The following ABCC11 variants were observed in gnomAD, a reference collection of about 807,000 sequenced individuals.
ABCC11 encodes the protein ATP binding cassette subfamily C member 11.
A neutral mutation model predicts 149.3 loss-of-function variants in ABCC11; 135 were observed. That is an observed-to-expected ratio of 0.90 (90% confidence interval 0.79 to 1.04). The LOEUF (loss-of-function observed/expected upper bound fraction) is 1.04. Ranked by LOEUF, ABCC11 falls within the 50% of genes least tolerant of loss-of-function variation. The pLI, the probability that ABCC11 is intolerant of heterozygous loss-of-function variation, is 0.00. For synonymous variants in ABCC11, 665 were observed against 671.4 expected, an observed-to-expected ratio of 0.99 and a Z score of 0.15; for missense variants, 1,680 against 1,722.1, an observed-to-expected ratio of 0.98 and a Z score of 0.43.
chr16:48,244,782 G>A (rs1971257695), intron 1 of ABCC11, among the ~76,000 whole-genome samples: 1 of 152,212 alleles, frequency 6.6e-6, no homozygotes, highest in Non-Finnish European at 1.5e-5. Flanking sequence ...GGGGATGTCA[G>A]ATACCTGCCC....
chr16:48,215,982 G>A lies in ABCC11; in HGVS notation c.951+132C>T, dbSNP rs975309296. On this transcript the variant is annotated intron_variant, in intron 7 of 29. Transcript: ENST00000356608. ...CAGAGAATAGTTTGAAGTAGGGAGT[G>A]GAGCTGAATCTTAACCACAATGGAT... 33 of 965,616 alleles carry A rather than the reference G, an allele frequency of 3.4e-5. No homozygotes were observed. In the African/African-American group the frequency reaches 3.5e-4, roughly 10 times the overall value. 59.8% of individuals were successfully genotyped at this position (965,616 alleles called of 1,614,324 possible).
intron 13 of ABCC11, 32 bp from the exon 14 acceptor site, chr16:48,203,332 G>A (rs1968162448): frequency 6.5e-7 from 1 of 1,537,262 alleles, no homozygotes; most frequent in Middle Eastern, 1.7e-4. Flanking sequence ...AAGGCACAGG[G>A]GACCAGCCCT....
At chr16:48,206,893 A>T (rs989774048) in intron 12 of ABCC11, among the ~76,000 whole-genome samples, 2 of 152,200 alleles carry the variant, frequency 1.3e-5, no homozygotes, top group Non-Finnish European at 2.9e-5. Flanking sequence ...AAAGGGGAAA[A>T]TGGAAAGCTC....
In ABCC11 at chr16:48,224,295, C is replaced by T. The variant is rs1485445374; in HGVS notation, c.530G>A (p.Ser177Asn). ...TCTGCCACTTACTGGCCCGAGTACA[C>T]TGGCAATGCAGAAGCAGATGCCCAG... ...ALLGICFCIA[S>N]VLGPILIIPK... Residue 177 changes from serine (S) to asparagine (N), a missense_variant, in exon 5 of 30, where the codon AGT (serine) becomes AAT (asparagine). By Grantham distance (46) the Ser-to-Asn change is conservative. Transcript: ENST00000356608. The T allele has an allele frequency of 6.2e-7, 1 of 1,614,140 alleles. No homozygotes were observed. Among genetic ancestry groups the T allele is most frequent in the Non-Finnish European group, 8.5e-7 (1 of 1,179,992 alleles).
chr16:48,232,969 G>C (rs912955295), intron 1 of ABCC11, among the ~76,000 whole-genome samples: 4 of 152,160 alleles, frequency 2.6e-5, no homozygotes, highest in Admixed American at 2.6e-4. Context: ...GGAGGCTGAG[G>C]CGGGAGGACT....
chr16:48,238,340 A>G (rs1464000719), intron 1 of ABCC11, among the ~76,000 whole-genome samples: 2 of 152,288 alleles, frequency 1.3e-5, no homozygotes, highest in South Asian at 2.1e-4. Flanking sequence ...TCAGATGTCT[A>G]TGGGTCTGTT....
Position 48,167,677 on chromosome 16 carries a change from A to AGGG in ABCC11, c.3892-20_3892-18dup. The AGGG allele has an allele frequency of 6.2e-7, 1 of 1,613,650 alleles. No homozygotes were observed. The highest frequency in any genetic ancestry group is 8.5e-7 in the Non-Finnish European group (1 of 1,179,704). ...AAGGATGATCTGATGAATACAAAAC[A>AGGG]GGGGTGAAGGTGTCTACTTCAGGCC... is the stretch of plus-strand genomic sequence containing the variant. On this transcript the variant is annotated splice_polypyrimidine_tract_variant and intron_variant, in intron 28 of 29. Transcript: ENST00000356608.
intron 23 of ABCC11, among the ~76,000 whole-genome samples, chr16:48,182,243 C>T (rs569314388): frequency 1.3e-5 from 2 of 152,356 alleles, no homozygotes; most frequent in South Asian, 4.1e-4. Context: ...CACATACATG[C>T]ACTCCTACAC....
chr16:48,198,696 T>C (rs1596737720), intron 15 of ABCC11, among the ~76,000 whole-genome samples: 1 of 150,278 alleles, frequency 6.7e-6, no homozygotes, highest in Non-Finnish European at 1.5e-5. Flanking sequence ...CTTGGAGAAA[T>C]AAATTCTGGT....
intron 1 of ABCC11, among the ~76,000 whole-genome samples, chr16:48,240,250 A>C (rs973166956): frequency 6.6e-6 from 1 of 152,236 alleles, no homozygotes; most frequent in Non-Finnish European, 1.5e-5. Context: ...CACTAGTCAC[A>C]ATAACAAAGA....
chr16:48,239,399 A>G (rs908926590), intron 1 of ABCC11, among the ~76,000 whole-genome samples: 1 of 151,970 alleles, frequency 6.6e-6, no homozygotes, highest in Admixed American at 6.6e-5. Flanking sequence ...CGTCTCTACC[A>G]AAAATACAAA....
chr16:48,167,155 CTG>C lies in ABCC11; in HGVS notation c.*117_*118del. On this transcript the variant is annotated 3_prime_UTR_variant, in exon 30 of 30. Transcript: ENST00000356608. Reference sequence around the variant, plus strand: ...ATCCCCACCCCCCCTACATTTACCCCTGCTTCCAGGAGAAGTTCTCATCTCCA... The same window carrying C: ...ATCCCCACCCCCCCTACATTTACCCCCTTCCAGGAGAAGTTCTCATCTCCA... The C allele has an allele frequency of 1.6e-6, 1 of 607,752 alleles. No individual in the cohort carries two copies. The highest frequency in any genetic ancestry group is 1.7e-5 in the South Asian group (1 of 59,586). The allele number at this position is 607,752 out of a possible 1,614,324, so 37.6% of individuals were successfully genotyped here. A position where few individuals can be genotyped will look rare whatever the true frequency, so the allele number is the denominator to read the frequency against.
intron 22 of ABCC11, 109 bp from the exon 23 acceptor site, chr16:48,184,735 G>T: frequency 8.8e-7 from 1 of 1,132,282 alleles, no homozygotes; most frequent in Non-Finnish European, 1.2e-6. Flanking sequence ...CCCACTCCCA[G>T]CAGCAGGGCC....
intron 6 of ABCC11, among the ~76,000 whole-genome samples, chr16:48,219,319 G>T (rs371602860): frequency 3.9e-5 from 6 of 152,190 alleles, no homozygotes; most frequent in South Asian, 2.1e-4. Flanking sequence ...ACAGGCGCAC[G>T]CCACCACGCC....
intron 11 of ABCC11, chr16:48,210,704 C>T: frequency 1.9e-6 from 1 of 538,008 alleles, no homozygotes; most frequent in Non-Finnish European, 3.3e-6. Context: ...GACAAGCACA[C>T]AGTACTCTCA....
At chr16:48,192,004 C>T (rs1422014904) in intron 20 of ABCC11, among the ~76,000 whole-genome samples, 1 of 151,996 alleles carries the variant, frequency 6.6e-6, no homozygotes, top group Non-Finnish European at 1.5e-5. Flanking sequence ...TAAAGTTGGC[C>T]GGGCATGGTG....
At chr16:48,174,701 G>A (rs1313821229) in intron 26 of ABCC11, among the ~76,000 whole-genome samples, 1 of 152,186 alleles carries the variant, frequency 6.6e-6, no homozygotes, top group Non-Finnish European at 1.5e-5. Flanking sequence ...AGTGCACAGA[G>A]AGAATAAGCT....
At chr16:48,186,883 C>A in intron 22 of ABCC11, 70 bp downstream of exon 22, 1 of 1,576,142 alleles carries the variant, frequency 6.3e-7, no homozygotes. Context: ...CTCCCAGACG[C>A]TCCATTCTTT....
At chr16:48,222,535 G>T in intron 6 of ABCC11, 63 bp downstream of exon 6, 1 of 1,408,846 alleles carries the variant, frequency 7.1e-7, no homozygotes, top group Non-Finnish European at 1.0e-6. Context: ...GGCCCCCAGG[G>T]CAGTTATGTC....
Sources: allele counts gnomAD v4.1 joint callset (sites outside exome capture counted in the v4.1 genomes callset), GRCh38; gene constraint gnomAD v4.1.1; transcripts MANE v1.5; gene names NCBI Gene and HGNC (gene_info 2026-07-23, HGNC 2026-07-21).